COG6: variants seen among roughly 807,000 people sequenced by gnomAD.
COG6 encodes the protein component of oligomeric golgi complex 6.
In COG6, 74 loss-of-function variants were observed where a neutral mutation model predicts 88.8. The ratio of observed to expected loss-of-function variants is 0.83; its 90% CI spans 0.69 to 1.01. The LOEUF is 1.01. Ranked by LOEUF, COG6 falls within the 50% of genes least tolerant of loss-of-function variation. The pLI is 0.00. For missense variants in COG6, 800 were observed against 797.9 expected (o/e 1.00, Z -0.03); for synonymous variants, 286 against 278.7 (o/e 1.03, Z -0.26).
chr13:39,688,130 T>G (rs911598225), intron 10 of COG6, among the ~76,000 whole-genome samples: 3 of 152,186 alleles, frequency 2.0e-5, no homozygotes, highest in African/African-American at 7.2e-5. Flanking sequence ...ACTTTAAAGG[T>G]ACAGGGTGAT....
exon 19 of COG6, chr13:39,791,130 T>TATAC (rs1881926204): frequency 6.6e-6 from 1 of 152,118 alleles, no homozygotes; most frequent in African/African-American, 2.4e-5. Flanking sequence ...AAGAAGCTGG[T>TATAC]ATACTTACAT....
chr13:39,784,250 G>A (rs1266506041), intron 18 of COG6, among the ~76,000 whole-genome samples: 1 of 152,194 alleles, frequency 6.6e-6, no homozygotes, highest in Non-Finnish European at 1.5e-5. Flanking sequence ...GCAAAGAATA[G>A]CTCAGGTGCA....
At chr13:39,777,676 C>T (rs1881505236) in intron 18 of COG6, among the ~76,000 whole-genome samples, 1 of 152,106 alleles carries the variant, frequency 6.6e-6, no homozygotes, top group East Asian at 1.9e-4. Flanking sequence ...CAGGTTAGCT[C>T]TTCTTGGTTG....
intron 4 of COG6, among the ~76,000 whole-genome samples, chr13:39,670,334 C>T (rs771600471): frequency 1.3e-5 from 2 of 151,932 alleles, no homozygotes; most frequent in Non-Finnish European, 2.9e-5. Context: ...TAAAGGCCCA[C>T]CAGCCAGAAT....
intron 17 of COG6, 64 bp downstream of exon 17, chr13:39,724,625 C>T (rs1319570975): frequency 8.0e-7 from 1 of 1,253,748 alleles, no homozygotes; most frequent in Non-Finnish European, 1.2e-6. Flanking sequence ...TCATTTTTTG[C>T]TGTGTGATAA....
chr13:39,724,649 G>T, intron 17 of COG6, 88 bp downstream of exon 17: 1 of 1,026,146 alleles, frequency 9.7e-7, no homozygotes, highest in South Asian at 1.3e-5. Flanking sequence ...CATTCTGGGT[G>T]ACACTTTTTA....
exon 19 of COG6, chr13:39,789,546 G>A (rs375249554): frequency 1.3e-4 from 2 of 14,870 alleles, no homozygotes; most frequent in Non-Finnish European, 3.1e-4. Context: ...CACCTGCTCT[G>A]CCCAGACTCA....
At chr13:39,660,657 T>G (rs139953177) in intron 2 of COG6, among the ~76,000 whole-genome samples, 153 bp from the exon 3 acceptor site, 56 of 152,352 alleles carry the variant, frequency 3.7e-4, no homozygotes, top group African/African-American at 1.3e-3. Context: ...TGTTATTCTT[T>G]TTAATCATTT....
chr13:39,682,942 G>A (rs1244507436), intron 8 of COG6, among the ~76,000 whole-genome samples: 1 of 151,990 alleles, frequency 6.6e-6, no homozygotes, highest in Non-Finnish European at 1.5e-5. Context: ...AACAGGAAAC[G>A]AGGGGACTCT....
At chr13:39,770,577 C>T (rs1046748421) in intron 18 of COG6, among the ~76,000 whole-genome samples, 1 of 152,162 alleles carries the variant, frequency 6.6e-6, no homozygotes, top group Non-Finnish European at 1.5e-5. Context: ...GTATTATGCT[C>T]CATAGTACGT....
At chr13:39,676,585 G>A (rs572542698) in intron 4 of COG6, among the ~76,000 whole-genome samples, 1 of 152,122 alleles carries the variant, frequency 6.6e-6, no homozygotes, top group African/African-American at 2.4e-5. Context: ...CCATCCCAAA[G>A]GTGCAAATAA....
At position 39,679,640 on chromosome 13, in the gene COG6, A is replaced by T. The variant is rs955715710; in HGVS notation, c.623+20A>T. 6.8e-7 allele frequency: 1 copy of T among 1,460,716 alleles called. No individual in the cohort carries two copies. The highest frequency in any genetic ancestry group is 9.6e-7 in the Non-Finnish European group (1 of 1,040,208). The allele number at this position is 1,460,716 out of a possible 1,614,324, so 90.5% of individuals were successfully genotyped here. Reference sequence around the variant, plus strand: ...GGCAGGGTGAGTAACTGCTCACTGAACTAATTGCATTGCTGCTTATGTTTC... The same window carrying T: ...GGCAGGGTGAGTAACTGCTCACTGATCTAATTGCATTGCTGCTTATGTTTC... On this transcript the variant is annotated intron_variant, in intron 6 of 18. Coordinates refer to ENST00000455146, the MANE Select transcript of COG6 (RefSeq NM_020751.3).
intron 18 of COG6, among the ~76,000 whole-genome samples, chr13:39,759,982 C>A (rs1163405493): frequency 6.6e-6 from 1 of 152,068 alleles, no homozygotes; most frequent in Non-Finnish European, 1.5e-5. Flanking sequence ...AAAGTTTAAG[C>A]CAGTCTAGGA....
intron 8 of COG6, among the ~76,000 whole-genome samples, chr13:39,684,923 TCATGTACAA>T (rs1457084725): frequency 1.3e-5 from 2 of 152,176 alleles, no homozygotes; most frequent in African/African-American, 4.8e-5. Context: ...TAATAATAAA[TCATGTACAA>T]TTATAAATGA....
intron 18 of COG6, among the ~76,000 whole-genome samples, chr13:39,781,224 T>A (rs903335341): frequency 1.3e-5 from 2 of 152,116 alleles, no homozygotes; most frequent in South Asian, 4.1e-4. Flanking sequence ...AGGTGAGAGC[T>A]GCTACCCACA....
intron 10 of COG6, 102 bp from the exon 11 acceptor site, chr13:39,689,658 C>G (rs763504933): frequency 7.0e-6 from 5 of 713,574 alleles, no homozygotes; most frequent in Non-Finnish European, 9.8e-6. Context: ...TCATTAGTGC[C>G]ATTAATTATA....
At chr13:39,740,676 T>C (rs1879997304) in intron 18 of COG6, among the ~76,000 whole-genome samples, 1 of 152,206 alleles carries the variant, frequency 6.6e-6, no homozygotes, top group African/African-American at 2.4e-5. Context: ...ATCTGAAATA[T>C]GTAGCTTGGC....
At chr13:39,672,985 T>A (rs974153462) in intron 4 of COG6, among the ~76,000 whole-genome samples, 3 of 152,152 alleles carry the variant, frequency 2.0e-5, no homozygotes, top group Non-Finnish European at 4.4e-5. Context: ...TAATGACTAA[T>A]GATGTCAAGC....
chr13:39,700,217 C>T lies in COG6; in HGVS notation c.1284+599C>T, dbSNP rs558124279. On this transcript the variant is annotated intron_variant, in intron 13 of 18. Coordinates refer to ENST00000455146, the MANE Select transcript of COG6 (RefSeq NM_020751.3). ...TTTATTTTTGTTTCATTATTGAGAACATGAGTTTTTCAAGGATGTGTCACA... is the reference window on the plus strand; with the variant it reads ...TTTATTTTTGTTTCATTATTGAGAATATGAGTTTTTCAAGGATGTGTCACA... Among the ~76,000 whole-genome samples the T allele has an allele frequency of 2.0e-5, 3 of 151,932 alleles. No individual in the cohort carries two copies. In the South Asian group the frequency reaches 6.2e-4, roughly 31 times the overall value.
Sources: allele counts gnomAD v4.1 joint callset (sites outside exome capture counted in the v4.1 genomes callset), GRCh38; gene constraint gnomAD v4.1.1; transcripts MANE v1.5; gene names NCBI Gene and HGNC (gene_info 2026-07-23, HGNC 2026-07-21).